Variants in TRIP12 observed in about 807,000 individuals in gnomAD.
TRIP12 encodes thyroid hormone receptor interactor 12.
Under a neutral mutation model 244.2 loss-of-function variants are expected in TRIP12, and 25 were observed. The ratio of observed to expected loss-of-function variants is 0.10; its 90% CI spans 0.07 to 0.14. TRIP12 has a LOEUF of 0.14. Among genes scored for constraint, TRIP12 ranks in the 10% least tolerant of loss-of-function variants. TRIP12 has a pLI of 1.00. For missense variants in TRIP12, 1,677 were observed against 2,486.4 expected, an observed-to-expected ratio of 0.67 and a Z score of 6.92; for synonymous variants, 905 against 873.1, an observed-to-expected ratio of 1.04 and a Z score of -0.64.
rs2066414485 is a variant in TRIP12, at chr2:229,887,970, A to G, written c.-49-7842T>C. Among the ~76,000 whole-genome samples, 5 of 152,294 alleles carry G rather than the reference A, an allele frequency of 3.3e-5. No individual in the cohort carries two copies. The South Asian group carries it at 1.0e-3, about 32-fold the overall frequency. ...AGTTTGTTGCCTGTAGGTTATCAGTAATCTCATTCTAAAATTCTTTATTAA... is the reference window on the plus strand; with the variant it reads ...AGTTTGTTGCCTGTAGGTTATCAGTGATCTCATTCTAAAATTCTTTATTAA... On this transcript the variant is annotated intron_variant, in intron 1 of 41. Coordinates refer to ENST00000675903, the MANE Select transcript of TRIP12 (RefSeq NM_001348323.3).
chr2:229,850,728 G>C lies in TRIP12; in HGVS notation c.1027+8044C>G, dbSNP rs371653129. Among the ~76,000 whole-genome samples the C allele has an allele frequency of 3.9e-5, 6 of 152,246 alleles. No individual in the cohort carries two copies. The East Asian group carries it at 5.8e-4, about 15-fold the overall frequency. On this transcript the variant is annotated intron_variant, in intron 4 of 41. Coordinates refer to ENST00000675903, the MANE Select transcript of TRIP12 (RefSeq NM_001348323.3). ...CAGGGAGGTGTGGAGGGAGAGGCGC[G>C]AGTGGGAACGGGGGCTGCACCCGGC... is the stretch of plus-strand genomic sequence containing the variant.
At chr2:229,868,182 G>A (rs376070082) in intron 2 of TRIP12, among the ~76,000 whole-genome samples, 1 of 152,246 alleles carries the variant, frequency 6.6e-6, no homozygotes, top group East Asian at 1.9e-4. Flanking sequence ...TTACCCAGCC[G>A]ATTCTAGAAT....
chr2:229,808,256 T>C lies in TRIP12; in HGVS notation c.2335A>G (p.Ile779Val), dbSNP rs771109389. 6.2e-7 allele frequency: 1 copy of C among 1,608,968 alleles called. No individual in the cohort carries two copies. Among genetic ancestry groups the C allele is most frequent in the Non-Finnish European group, 8.5e-7 (1 of 1,175,598 alleles). ...GATATTTAGCCCAATCTTTACCAAA[T>C]CAGAGATGTCAGTTCATACAACTCT... ...PQELYELTSLICELMPCLPKE... is the reference protein window; with the variant it reads ...PQELYELTSLVCELMPCLPKE... Residue 779 changes from isoleucine (I) to valine (V), a missense_variant, in exon 16 of 42, where the codon ATT (isoleucine) becomes GTT (valine). Ile to Val is a conservative substitution (Grantham distance 29). Transcript: ENST00000675903.
chr2:229,775,667 C>T (rs1195875249), intron 37 of TRIP12, among the ~76,000 whole-genome samples: 8 of 150,834 alleles, frequency 5.3e-5, no homozygotes, highest in African/African-American at 9.7e-5. Context: ...GAGAAACTAA[C>T]GTAAATTCCC....
rs1249664565 is a variant in TRIP12 at position 229,778,862 on chromosome 2, C to A, written c.5209+14G>T. ...TGAGTAACACAAACCAACTAACTTA[C>A]AGATAGGCATTACCTTTTGGATTGC... On this transcript the variant is annotated intron_variant, in intron 35 of 41. Coordinates refer to ENST00000675903, the MANE Select transcript of TRIP12 (RefSeq NM_001348323.3). The surrounding 1 kb of genome is among the most constrained non-coding windows in gnomAD (Gnocchi z 4.1). The A allele has an allele frequency of 6.2e-7, 1 of 1,609,960 alleles. No homozygotes were observed. The highest frequency in any genetic ancestry group is 8.5e-7 in the Non-Finnish European group (1 of 1,176,396).
chr2:229,917,914 C>T (rs1458266084), intron 1 of TRIP12, among the ~76,000 whole-genome samples: 1 of 152,028 alleles, frequency 6.6e-6, no homozygotes, highest in Non-Finnish European at 1.5e-5. Flanking sequence ...GCTACAACTC[C>T]TAGCCTCAAG....
At chr2:229,821,978 A>G (rs1317293134) in intron 8 of TRIP12, among the ~76,000 whole-genome samples, 1 of 152,192 alleles carries the variant, frequency 6.6e-6, no homozygotes, top group Non-Finnish European at 1.5e-5. Flanking sequence ...TGTTTCTACT[A>G]AAAATACAAA....
Position 229,815,313 on chromosome 2 carries a change from T to G in TRIP12, c.1600-5A>C. 7.1e-7 allele frequency: 1 copy of G among 1,401,802 alleles called. No homozygotes were observed. The allele number at this position is 1,401,802 out of a possible 1,614,324, so 86.8% of individuals were successfully genotyped here. A position where few individuals can be genotyped will look rare whatever the true frequency, so the allele number is the denominator to read the frequency against. Reference sequence around the variant, plus strand: ...CTCCATCTGAAGTAACGTAATCTGTTAAAAAGATAACAAAATATTAGAAGC... The same window carrying G: ...CTCCATCTGAAGTAACGTAATCTGTGAAAAAGATAACAAAATATTAGAAGC... On this transcript the variant is annotated splice_polypyrimidine_tract_variant and splice_region_variant and intron_variant, in intron 9 of 41. Coordinates refer to ENST00000675903, the MANE Select transcript of TRIP12 (RefSeq NM_001348323.3).
At chr2:229,821,297 T>C (rs982200209) in intron 8 of TRIP12, among the ~76,000 whole-genome samples, 3 of 152,098 alleles carry the variant, frequency 2.0e-5, no homozygotes, top group Non-Finnish European at 4.4e-5. Context: ...AAAGGAAAAA[T>C]CTTGGTAACT....
chr2:229,857,168 C>T (rs1330316444), intron 4 of TRIP12, among the ~76,000 whole-genome samples: 1 of 152,014 alleles, frequency 6.6e-6, no homozygotes, highest in Non-Finnish European at 1.5e-5. Context: ...CTTTTTAAAC[C>T]AAGAAAACAT....
chr2:229,821,172 T>G (rs7578255), intron 8 of TRIP12, among the ~76,000 whole-genome samples: 38,912 of 152,110 alleles, frequency 0.26, 6,100 homozygotes, highest in Middle Eastern at 0.42. Context: ...TATGTGGCAG[T>G]GAAAAACACA....
At chr2:229,783,928 T>G (rs1333149781) in intron 34 of TRIP12, among the ~76,000 whole-genome samples, 2 of 150,892 alleles carry the variant, frequency 1.3e-5, no homozygotes, top group Admixed American at 1.3e-4. Flanking sequence ...CTGACCAACA[T>G]GCAGAAACCC....
intron 1 of TRIP12, among the ~76,000 whole-genome samples, chr2:229,899,437 T>C (rs1002908496): frequency 6.6e-6 from 1 of 152,190 alleles, no homozygotes; most frequent in Admixed American, 6.5e-5. Context: ...CCCTGTGCTA[T>C]CAGCTGTGAA....
chr2:229,797,883 A>G (rs1288206806), intron 23 of TRIP12, 52 bp from the exon 24 acceptor site: 13 of 1,567,934 alleles, frequency 8.3e-6, no homozygotes, highest in Non-Finnish European at 1.1e-5. Context: ...TAGAAAGGAT[A>G]TAACTTCTGA....
chr2:229,785,328 G>A (rs1441591593), intron 34 of TRIP12, among the ~76,000 whole-genome samples: 1 of 152,180 alleles, frequency 6.6e-6, no homozygotes, highest in African/African-American at 2.4e-5. Flanking sequence ...TGAAATGGGG[G>A]CACTTTTTGT....
chr2:229,884,473 G>A (rs1318072695), intron 1 of TRIP12, among the ~76,000 whole-genome samples: 4 of 151,976 alleles, frequency 2.6e-5, no homozygotes, highest in African/African-American at 7.2e-5. Flanking sequence ...ATGACCTCAA[G>A]TGATCCGCCC....
intron 25 of TRIP12, among the ~76,000 whole-genome samples, chr2:229,795,987 GGGAACGTTT>G (rs1447390265): frequency 3.3e-5 from 5 of 152,186 alleles, no homozygotes; most frequent in African/African-American, 1.2e-4. Context: ...ACAGATAATA[GGGAACGTTT>G]CCAAGTGATG....
chr2:229,858,681 G>A (rs2154335732), intron 4 of TRIP12, 91 bp downstream of exon 4: 1 of 1,153,488 alleles, frequency 8.7e-7, no homozygotes, highest in East Asian at 2.5e-5. Flanking sequence ...AGACTGGGGG[G>A]AAAAAACCCT....
chr2:229,872,183 C>T lies in TRIP12; in HGVS notation c.98+7799G>A, dbSNP rs1034799348. 2.0e-5 allele frequency among the ~76,000 whole-genome samples: 3 copies of T among 149,998 alleles called. No homozygotes were observed. In the South Asian group the frequency reaches 6.3e-4, roughly 32 times the overall value. The stretch of plus-strand genomic sequence containing the variant: ...GTGGCTCATGCCTGTAATCCCAGCA[C>T]TTTGGCAGGCCAAGGCAGGAGGACT... On this transcript the variant is annotated intron_variant, in intron 2 of 41. Coordinates refer to ENST00000675903, the MANE Select transcript of TRIP12 (RefSeq NM_001348323.3).
Sources: gnomAD v4.1 joint callset for allele counts (sites outside exome capture counted in the v4.1 genomes callset) on GRCh38, gnomAD v4.1.1 for gene constraint, Gnocchi (gnomAD v3.1) non-coding constraint, MANE v1.5 for transcripts, NCBI Gene and HGNC (gene_info 2026-07-23, HGNC 2026-07-21) for gene names.